Variants in CDH12 observed in about 807,000 individuals in gnomAD.
CDH12 encodes the protein cadherin 12, also known as cadherin-12.
Under a neutral mutation model 74.1 loss-of-function variants are expected in CDH12, and 41 were observed. The observed-to-expected ratio is 0.55, with a 90% CI of 0.43 to 0.72. CDH12 has a LOEUF of 0.72. Ranked by LOEUF, CDH12 falls within the 30% of genes least tolerant of loss-of-function variation. The pLI, the probability that CDH12 is intolerant of heterozygous loss-of-function variation, is 0.00. For missense variants in CDH12, 945 were observed against 977.2 expected, an observed-to-expected ratio of 0.97 and a Z score of 0.44; for synonymous variants, 399 against 355.0, an observed-to-expected ratio of 1.12 and a Z score of -1.39.
chr5:22,351,301 T>C (rs570996022), intron 3 of CDH12, among the ~76,000 whole-genome samples: 1 of 152,342 alleles, frequency 6.6e-6, no homozygotes, highest in South Asian at 2.1e-4. Flanking sequence ...TAAGTCTGGC[T>C]GCATTGAAGT....
intron 1 of CDH12, among the ~76,000 whole-genome samples, chr5:22,676,595 G>T (rs1433156004): frequency 6.6e-6 from 1 of 152,154 alleles, no homozygotes; most frequent in East Asian, 1.9e-4. Context: ...ACAAAGGCAT[G>T]TAATTCTAAT....
intron 1 of CDH12, among the ~76,000 whole-genome samples, chr5:22,555,082 T>C (rs1049611290): frequency 6.6e-6 from 1 of 152,096 alleles, no homozygotes; most frequent in Admixed American, 6.6e-5. Context: ...GAAGATTAAC[T>C]ATAAATTTCC....
chr5:22,493,767 C>T (rs1166252520), intron 2 of CDH12, among the ~76,000 whole-genome samples: 1 of 152,106 alleles, frequency 6.6e-6, no homozygotes, highest in Non-Finnish European at 1.5e-5. Context: ...ATACACTGAA[C>T]TGAGAATGGG....
rs1288879967 is a variant in CDH12 at position 22,022,624 on chromosome 5, A to G, written c.232-47239T>C. ...ATTTGATTATCTTACATTTTGAAGT[A>G]ATAATATCACAGGCTGAGTATCTAA... is the stretch of plus-strand genomic sequence containing the variant. On this transcript the variant is annotated intron_variant, in intron 5 of 14. Transcript: ENST00000382254. Among the ~76,000 whole-genome samples the G allele has an allele frequency of 3.3e-5, 5 of 152,318 alleles. No individual in the cohort carries two copies. In the East Asian group the frequency reaches 7.7e-4, roughly 23 times the overall value.
At chr5:22,797,028 T>C (rs2126404250) in intron 1 of CDH12, among the ~76,000 whole-genome samples, 1 of 152,140 alleles carries the variant, frequency 6.6e-6, no homozygotes, top group South Asian at 2.1e-4. Context: ...GGAAGCCTAA[T>C]GAAAAATCAG....
chr5:22,501,385 A>G (rs1360370557), intron 2 of CDH12, among the ~76,000 whole-genome samples: 1 of 152,146 alleles, frequency 6.6e-6, no homozygotes, highest in South Asian at 2.1e-4. Context: ...CTTGTAGTAA[A>G]CCTGTTTTAA....
intron 1 of CDH12, among the ~76,000 whole-genome samples, chr5:22,685,706 T>C (rs945586945): frequency 1.3e-5 from 2 of 152,224 alleles, no homozygotes; most frequent in African/African-American, 4.8e-5. Flanking sequence ...TCAAGGTTCA[T>C]CAATGTCGTA....
intron 2 of CDH12, among the ~76,000 whole-genome samples, chr5:22,424,094 AATTT>A (rs774148697): frequency 7.3e-5 from 11 of 151,442 alleles, no homozygotes; most frequent in Non-Finnish European, 1.5e-4. Context: ...TATCCACGAA[AATTT>A]ATTTATTAAA....
intron 1 of CDH12, among the ~76,000 whole-genome samples, chr5:22,778,688 G>T (rs368837419): frequency 6.6e-6 from 1 of 151,878 alleles, no homozygotes; most frequent in South Asian, 2.1e-4. Flanking sequence ...CAGTATGTAG[G>T]ATCAATTTCA....
chr5:22,114,622 A>C (rs1376808760), intron 4 of CDH12, among the ~76,000 whole-genome samples: 4 of 152,206 alleles, frequency 2.6e-5, no homozygotes, highest in African/African-American at 9.6e-5. Context: ...TGTTGTTTTT[A>C]AAAATAAAAG....
chr5:21,906,539 G>A (rs1753648567), intron 6 of CDH12, among the ~76,000 whole-genome samples: 1 of 152,168 alleles, frequency 6.6e-6, no homozygotes, highest in South Asian at 2.1e-4. Flanking sequence ...TTCTGACACT[G>A]CTGTCTTGCA....
At chr5:22,004,861 A>T (rs1257026339) in intron 5 of CDH12, among the ~76,000 whole-genome samples, 6 of 151,934 alleles carry the variant, frequency 3.9e-5, no homozygotes. Context: ...GTCCATGTGT[A>T]CTCATTGTTT....
At chr5:22,324,146 G>A (rs1308034515) in intron 3 of CDH12, among the ~76,000 whole-genome samples, 1 of 152,048 alleles carries the variant, frequency 6.6e-6, no homozygotes, top group Non-Finnish European at 1.5e-5. Flanking sequence ...GTCTTGCAAT[G>A]ATGATATTAT....
intron 4 of CDH12, among the ~76,000 whole-genome samples, chr5:22,146,944 A>G (rs921734007): frequency 4.6e-5 from 7 of 151,638 alleles, no homozygotes; most frequent in African/African-American, 1.4e-4. Flanking sequence ...CAGCTTAGCC[A>G]TTACCTTCAG....
intron 4 of CDH12, among the ~76,000 whole-genome samples, chr5:22,139,897 T>G (rs535367946): frequency 6.6e-6 from 1 of 152,058 alleles, no homozygotes; most frequent in Non-Finnish European, 1.5e-5. Flanking sequence ...CATTTCCTCC[T>G]GCCAAGTTGC....
intron 3 of CDH12, among the ~76,000 whole-genome samples, chr5:22,230,377 T>C (rs1452250848): frequency 6.6e-6 from 1 of 152,140 alleles, no homozygotes; most frequent in Non-Finnish European, 1.5e-5. Context: ...ATTGCCCTGT[T>C]CATATTCTCA....
intron 1 of CDH12, among the ~76,000 whole-genome samples, chr5:22,678,329 C>T (rs1741321470): frequency 6.6e-6 from 1 of 152,038 alleles, no homozygotes; most frequent in South Asian, 2.1e-4. Context: ...GAAGCTGTTA[C>T]TGCTACTGTC....
intron 1 of CDH12, among the ~76,000 whole-genome samples, chr5:22,796,339 T>A (rs1748207931): frequency 6.6e-6 from 1 of 152,178 alleles, no homozygotes; most frequent in African/African-American, 2.4e-5. Flanking sequence ...CTTCATGTCC[T>A]TGACAACATT....
intron 1 of CDH12, among the ~76,000 whole-genome samples, chr5:22,778,114 A>G (rs1561024408): frequency 6.6e-6 from 1 of 151,972 alleles, no homozygotes; most frequent in East Asian, 2.0e-4. Flanking sequence ...CAGATATTAC[A>G]TTTTTTTGTT....
Sources: allele counts gnomAD v4.1 joint callset (sites outside exome capture counted in the v4.1 genomes callset), GRCh38; gene constraint gnomAD v4.1.1; transcripts MANE v1.5; gene names NCBI Gene and HGNC (gene_info 2026-07-23, HGNC 2026-07-21).